Variants in ST8SIA4 observed in about 807,000 individuals in gnomAD.
ST8SIA4 encodes the protein CMP-N-acetylneuraminate-poly-alpha-2,8-sialyltransferase.
Under a neutral mutation model 33.9 loss-of-function variants are expected in ST8SIA4, and 15 were observed. That is an observed-to-expected ratio of 0.44 (90% CI 0.30 to 0.68). The LOEUF (loss-of-function observed/expected upper bound fraction) is 0.68, where lower values mean the gene tolerates loss of function less well. ST8SIA4 is among the 30% of genes least tolerant of loss of function. ST8SIA4 has a pLI of 0.10. For synonymous variants in ST8SIA4, 171 were observed against 151.2 expected (o/e 1.13, Z -0.96); for missense variants, 321 against 428.0 (o/e 0.75, Z 2.21).
Position 100,815,737 on chromosome 5 carries a change from A to G in ST8SIA4, c.798-3608T>C, listed in dbSNP as rs149122756. On this transcript the variant is annotated intron_variant, in intron 4 of 4. Transcript: ENST00000231461. ...TACCCACCAAATCAGTGTGCTATAG[A>G]AGGCTATATTTATAGTCAGAAGACA... Among the ~76,000 whole-genome samples, 42 of 152,218 alleles carry G rather than the reference A, an allele frequency of 2.8e-4. No homozygotes were observed. In the East Asian group the frequency reaches 7.9e-3, roughly 29 times the overall value.
At chr5:100,902,771 C>G in intron 1 of ST8SIA4, 72 bp downstream of exon 1, 1 of 1,289,428 alleles carries the variant, frequency 7.8e-7, no homozygotes, top group Non-Finnish European at 1.1e-6. Context: ...AACCATCACT[C>G]TACCCTCTAT....
At chr5:100,826,726 TGTTACAGGGTATCATTAG>T (rs1193323596) in intron 4 of ST8SIA4, among the ~76,000 whole-genome samples, 3 of 152,142 alleles carry the variant, frequency 2.0e-5, no homozygotes, top group African/African-American at 7.2e-5. Context: ...TGAAACAAAT[TGTTACAGGGTATCATTAG>T]GTAATATATC....
rs1037789653 is a variant in ST8SIA4, at chr5:100,807,847, CAT to C, written c.*3998_*3999del. 1.3e-5 allele frequency: 2 copies of C among 152,426 alleles called. No individual in the cohort carries two copies. The highest frequency in any genetic ancestry group is 4.8e-5 in the African/African-American group (2 of 41,398). The allele number at this position is 152,426 out of a possible 1,614,324, so 9.4% of individuals were successfully genotyped here. A position where few individuals can be genotyped will look rare whatever the true frequency, so the allele number is the denominator to read the frequency against. On this transcript the variant is annotated 3_prime_UTR_variant, in exon 5 of 5. Coordinates refer to ENST00000231461, the MANE Select transcript of ST8SIA4 (RefSeq NM_005668.6). ...TATAACATTGTATATATGCATCACA[CAT>C]GTCTATTTGTACTATATAGGTATAT...
intron 3 of ST8SIA4, among the ~76,000 whole-genome samples, chr5:100,884,012 A>T (rs1209849606): frequency 6.6e-6 from 1 of 152,220 alleles, no homozygotes; most frequent in Non-Finnish European, 1.5e-5. Context: ...TAGACATTCA[A>T]ATCCATCTGA....
chr5:100,840,854 G>GT (rs1206157338), intron 4 of ST8SIA4, among the ~76,000 whole-genome samples: 14 of 151,410 alleles, frequency 9.2e-5, no homozygotes, highest in African/African-American at 3.4e-4. Context: ...AATGAAGATA[G>GT]TTTGTTTTTT....
At chr5:100,858,486 G>GA (rs772353740) in intron 3 of ST8SIA4, among the ~76,000 whole-genome samples, 3 of 151,702 alleles carry the variant, frequency 2.0e-5, no homozygotes, top group Non-Finnish European at 4.4e-5. Context: ...ATCCCTTCAG[G>GA]AAAAAAATCA....
intron 4 of ST8SIA4, among the ~76,000 whole-genome samples, chr5:100,837,582 C>T (rs913541739): frequency 6.6e-6 from 1 of 152,038 alleles, no homozygotes; most frequent in African/African-American, 2.4e-5. Context: ...TACTGATCCA[C>T]AGAGCCACAG....
rs1352764825 is a variant in ST8SIA4 at position 100,810,456 on chromosome 5, G to C, written c.*1391C>G. The C allele has an allele frequency of 6.6e-6, 1 of 151,924 alleles. No individual in the cohort carries two copies. Among genetic ancestry groups the C allele is most frequent in the African/African-American group, 2.4e-5 (1 of 41,334 alleles). The allele number at this position is 151,924 out of a possible 1,614,324, so 9.4% of individuals were successfully genotyped here. On this transcript the variant is annotated 3_prime_UTR_variant, in exon 5 of 5. Transcript: ENST00000231461. The stretch of plus-strand genomic sequence containing the variant: ...TTCCATATTTCTATTTGAATAACAA[G>C]GGGAATATCAAAGAACTGGAAGTCA...
intron 2 of ST8SIA4, 32 bp downstream of exon 2, chr5:100,895,622 G>C: frequency 6.3e-7 from 1 of 1,588,930 alleles, no homozygotes; most frequent in Non-Finnish European, 8.6e-7. Context: ...AACATGATGT[G>C]AAATTTATTA....
At chr5:100,816,468 C>G (rs550388354) in intron 4 of ST8SIA4, 1 of 516,862 alleles carries the variant, frequency 1.9e-6, no homozygotes, top group African/African-American at 2.0e-5. Context: ...ATAAAGAAGT[C>G]TAAAAGTTTA....
chr5:100,849,247 A>G, intron 4 of ST8SIA4: 1 of 985,282 alleles, frequency 1.0e-6, no homozygotes, highest in Non-Finnish European at 1.2e-6. Context: ...AGGAATCTAT[A>G]CGATTATATA....
At chr5:100,898,490 G>T (rs559553344) in intron 1 of ST8SIA4, among the ~76,000 whole-genome samples, 7 of 152,268 alleles carry the variant, frequency 4.6e-5, no homozygotes, top group Non-Finnish European at 5.9e-5. Context: ...TCCGCTGTTT[G>T]AATTGCTTTC....
chr5:100,897,519 A>G (rs973325132), intron 1 of ST8SIA4, among the ~76,000 whole-genome samples: 2 of 152,166 alleles, frequency 1.3e-5, no homozygotes, highest in African/African-American at 2.4e-5. Flanking sequence ...AAAAAATAAC[A>G]TGACTATTTG....
In ST8SIA4 at chr5:100,810,227, A is replaced by C. The variant is rs1455674175; in HGVS notation, c.*1620T>G. Reference sequence around the variant, plus strand: ...TTTTAATTACTTTATTAATAATTTCATGTGTTTCTTGAAGAACATATGTGA... The same window carrying C: ...TTTTAATTACTTTATTAATAATTTCCTGTGTTTCTTGAAGAACATATGTGA... On this transcript the variant is annotated 3_prime_UTR_variant, in exon 5 of 5. Coordinates refer to ENST00000231461, the MANE Select transcript of ST8SIA4 (RefSeq NM_005668.6). 6.6e-6 allele frequency: 1 copy of C among 152,208 alleles called. No homozygotes were observed. The highest frequency in any genetic ancestry group is 2.4e-5 in the African/African-American group (1 of 41,468). 9.4% of individuals were successfully genotyped at this position (152,208 alleles called of 1,614,324 possible). A position where few individuals can be genotyped will look rare whatever the true frequency, so the allele number is the denominator to read the frequency against.
At chr5:100,885,362 A>C in intron 3 of ST8SIA4, 1 of 964,010 alleles carries the variant, frequency 1.0e-6, no homozygotes, top group East Asian at 1.1e-4. Flanking sequence ...TCTTCACTTG[A>C]TAATGCTTGA....
At chr5:100,854,897 G>A (rs988525422) in intron 4 of ST8SIA4, among the ~76,000 whole-genome samples, 3 of 152,128 alleles carry the variant, frequency 2.0e-5, no homozygotes, top group African/African-American at 7.2e-5. Context: ...ATTATCTTAT[G>A]AGTAAATTAA....
At chr5:100,889,969 A>C (rs1752624838) in intron 2 of ST8SIA4, among the ~76,000 whole-genome samples, 1 of 151,940 alleles carries the variant, frequency 6.6e-6, no homozygotes, top group African/African-American at 2.4e-5. Flanking sequence ...TATTTTACAA[A>C]GTAAAAAGAA....
At chr5:100,884,002 T>C (rs972440249) in intron 3 of ST8SIA4, among the ~76,000 whole-genome samples, 4 of 152,156 alleles carry the variant, frequency 2.6e-5, no homozygotes, top group Admixed American at 2.0e-4. Context: ...AAACTAAGAA[T>C]AGACATTCAA....
At chr5:100,816,465 A>T (rs768008383) in intron 4 of ST8SIA4, 1 of 517,216 alleles carries the variant, frequency 1.9e-6, no homozygotes, top group Non-Finnish European at 3.9e-6. Context: ...TAAATAAAGA[A>T]GTCTAAAAGT....
Sources: allele counts gnomAD v4.1 joint callset (sites outside exome capture counted in the v4.1 genomes callset), GRCh38; gene constraint gnomAD v4.1.1; transcripts MANE v1.5; gene names NCBI Gene and HGNC (gene_info 2026-07-23, HGNC 2026-07-21).